Variants in PNPLA8 observed in about 807,000 individuals in gnomAD.
PNPLA8 encodes the protein calcium-independent phospholipase A2-gamma.
In PNPLA8, 39 loss-of-function variants were observed where a neutral mutation model predicts 76.9. The observed-to-expected ratio is 0.51, with a 90% confidence interval of 0.39 to 0.66. The LOEUF is 0.66. Among genes scored for constraint, PNPLA8 ranks in the 30% least tolerant of loss-of-function variants. The pLI, the probability that PNPLA8 is intolerant of heterozygous loss-of-function variation, is 0.00. For missense variants in PNPLA8, 887 were observed against 918.0 expected, an observed-to-expected ratio of 0.97 and a Z score of 0.44; for synonymous variants, 301 against 307.9, an observed-to-expected ratio of 0.98 and a Z score of 0.24.
chr7:108,470,554 T>A lies in PNPLA8; in HGVS notation c.*1847A>T, dbSNP rs1301772174. On this transcript the variant is annotated 3_prime_UTR_variant, in exon 11 of 11. Transcript: ENST00000257694. Reference sequence around the variant, plus strand: ...GTGACCTTATGATGAGGTGCAAATATGTAAATATGCATAAATATTACTTTA... The same window carrying A: ...GTGACCTTATGATGAGGTGCAAATAAGTAAATATGCATAAATATTACTTTA... The A allele has an allele frequency of 6.6e-6, 1 of 152,144 alleles. No homozygotes were observed. The highest frequency in any genetic ancestry group is 1.5e-5 in the Non-Finnish European group (1 of 68,026). 9.4% of individuals were successfully genotyped at this position (152,144 alleles called of 1,614,324 possible). A position where few individuals can be genotyped will look rare whatever the true frequency, so the allele number is the denominator to read the frequency against.
At chr7:108,504,164 T>C (rs899518498) in intron 4 of PNPLA8, among the ~76,000 whole-genome samples, 2 of 152,142 alleles carry the variant, frequency 1.3e-5, no homozygotes, top group African/African-American at 4.8e-5. Flanking sequence ...TCCACTCAAA[T>C]GCCAAACAGA....
chr7:108,475,421 ATACATTT>A (rs1293093449), intron 10 of PNPLA8, among the ~76,000 whole-genome samples: 1 of 152,046 alleles, frequency 6.6e-6, no homozygotes, highest in Non-Finnish European at 1.5e-5. Context: ...GCATATCCAT[ATACATTT>A]TACAGTCAGC....
chr7:108,475,358 C>A (rs148343778), intron 10 of PNPLA8, among the ~76,000 whole-genome samples: 1 of 152,102 alleles, frequency 6.6e-6, no homozygotes, highest in East Asian at 1.9e-4. Flanking sequence ...CTATCTTCCA[C>A]GAAACCAGTC....
rs767334376 is a variant in PNPLA8 at position 108,515,032 on chromosome 7, T to C, written c.460A>G (p.Ile154Val). 7 of 1,607,674 alleles carry C rather than the reference T, an allele frequency of 4.4e-6. No homozygotes were observed. In the East Asian group the frequency reaches 1.3e-4, roughly 31 times the overall value. Residue 154 changes from isoleucine to valine, a missense_variant, in exon 3 of 11, where the codon ATC becomes GTC. Physicochemically the swap from Ile to Val is conservative, Grantham distance 29 (BLOSUM62 3). Transcript: ENST00000257694. ...TCACTATATTTTTTCAGAGATTTGA[T>C]GGCTTGTTTGATGTTTTTCTGTTTT... ...WLKQKNIKQA[I>V]KSLKKYSDKS...
At chr7:108,472,869 TC>T (rs1220279223) in intron 10 of PNPLA8, among the ~76,000 whole-genome samples, 194 bp from the exon 11 acceptor site, 4 of 152,200 alleles carry the variant, frequency 2.6e-5, no homozygotes, top group Admixed American at 2.6e-4. Flanking sequence ...AAATTCATCT[TC>T]CAAAATACAT....
chr7:108,498,492 C>A (rs550692719), intron 5 of PNPLA8, among the ~76,000 whole-genome samples: 3 of 150,388 alleles, frequency 2.0e-5, no homozygotes, highest in Admixed American at 6.6e-5. Context: ...CCAGGATGGT[C>A]TCGATCTCCT....
At chr7:108,480,185 AG>A (rs1860295399) in intron 9 of PNPLA8, among the ~76,000 whole-genome samples, 1 of 152,098 alleles carries the variant, frequency 6.6e-6, no homozygotes, top group Non-Finnish European at 1.5e-5. Flanking sequence ...TGAGCAACAT[AG>A]GGACACCTGG....
At chr7:108,491,545 T>C in intron 7 of PNPLA8, 78 bp from the exon 8 acceptor site, 2 of 893,168 alleles carry the variant, frequency 2.2e-6, no homozygotes, top group Non-Finnish European at 1.9e-6. Context: ...CAGTATGCAA[T>C]TACTATTTGT....
At chr7:108,520,666 A>G (rs571105245) in intron 2 of PNPLA8, among the ~76,000 whole-genome samples, 2 of 152,284 alleles carry the variant, frequency 1.3e-5, no homozygotes, top group East Asian at 3.9e-4. Context: ...ATCATTACAC[A>G]TTGTATGCAT....
At chr7:108,524,644 G>A (rs1402994094) in intron 1 of PNPLA8, among the ~76,000 whole-genome samples, 1 of 152,160 alleles carries the variant, frequency 6.6e-6, no homozygotes, top group Non-Finnish European at 1.5e-5. Context: ...GGCCAACATG[G>A]GGAAACCCGT....
chr7:108,481,133 C>T (rs1240909378), intron 9 of PNPLA8, among the ~76,000 whole-genome samples: 1 of 152,160 alleles, frequency 6.6e-6, no homozygotes, highest in Non-Finnish European at 1.5e-5. Flanking sequence ...TGGGTTGTTT[C>T]CAGCATTTGA....
At chr7:108,478,123 G>C (rs547169472) in intron 10 of PNPLA8, among the ~76,000 whole-genome samples, 4 of 152,308 alleles carry the variant, frequency 2.6e-5, no homozygotes, top group African/African-American at 9.6e-5. Flanking sequence ...TTAAGAGTGA[G>C]ATGATAAGGA....
chr7:108,500,831 T>C (rs1309410932), intron 5 of PNPLA8, among the ~76,000 whole-genome samples: 2 of 151,912 alleles, frequency 1.3e-5, no homozygotes, highest in Admixed American at 1.3e-4. Context: ...AACTGATCAG[T>C]TGAACCTGGG....
chr7:108,475,064 G>A (rs1406442706), intron 10 of PNPLA8, among the ~76,000 whole-genome samples: 1 of 152,048 alleles, frequency 6.6e-6, no homozygotes, highest in Non-Finnish European at 1.5e-5. Flanking sequence ...ATTCTCATAA[G>A]ACTGCAAACC....
rs2154517387 is a variant in PNPLA8 at position 108,526,047 on chromosome 7, C to A, written c.-148G>T. ...TACTTACCGGGATGCAGGCCGCAGT[C>A]ACTAGGGCTGCAGCGGCGACTCGCT... On this transcript the variant is annotated 5_prime_UTR_variant, in exon 1 of 11. Transcript: ENST00000257694. 15 of 985,738 alleles carry A rather than the reference C, an allele frequency of 1.5e-5. No individual in the cohort carries two copies. The highest frequency in any genetic ancestry group is 1.7e-5 in the Non-Finnish European group (14 of 830,092). The allele number at this position is 985,738 out of a possible 1,614,324, so 61.1% of individuals were successfully genotyped here. A position where few individuals can be genotyped will look rare whatever the true frequency, so the allele number is the denominator to read the frequency against.
At chr7:108,523,364 C>CAAG (rs1216034396) in intron 1 of PNPLA8, among the ~76,000 whole-genome samples, 4 of 151,594 alleles carry the variant, frequency 2.6e-5, no homozygotes, top group African/African-American at 9.8e-5. Flanking sequence ...GGGAAAGCTC[C>CAAG]TTATCTGAGG....
chr7:108,515,785 A>G (rs984151102), intron 2 of PNPLA8, among the ~76,000 whole-genome samples: 20 of 152,226 alleles, frequency 1.3e-4, no homozygotes, highest in African/African-American at 4.8e-4. Context: ...AAAATGAGGA[A>G]TAGAATGTTT....
intron 1 of PNPLA8, among the ~76,000 whole-genome samples, chr7:108,525,568 G>A (rs549597090): frequency 6.6e-6 from 1 of 152,118 alleles, no homozygotes; most frequent in South Asian, 2.1e-4. Flanking sequence ...ATGTGGATGG[G>A]GTCAGAAAGA....
At chr7:108,475,207 C>T (rs772020427) in intron 10 of PNPLA8, among the ~76,000 whole-genome samples, 12 of 152,214 alleles carry the variant, frequency 7.9e-5, no homozygotes, top group Non-Finnish European at 1.5e-4. Flanking sequence ...GCTCAGGGCT[C>T]CCAATTCTAC....
Sources: gnomAD v4.1 joint callset for allele counts (sites outside exome capture counted in the v4.1 genomes callset) on GRCh38, gnomAD v4.1.1 for gene constraint, MANE v1.5 for transcripts, NCBI Gene and HGNC (gene_info 2026-07-23, HGNC 2026-07-21) for gene names.